PCGF5: variants seen among roughly 807,000 people sequenced by gnomAD.
The protein encoded by PCGF5 is polycomb group ring finger 5.
A neutral mutation model predicts 44.3 loss-of-function variants in PCGF5; 9 were observed. The ratio of observed to expected loss-of-function variants is 0.20; its 90% CI spans 0.12 to 0.35. The LOEUF (loss-of-function observed/expected upper bound fraction) is 0.35, where lower values mean the gene tolerates loss of function less well. Among genes scored for constraint, PCGF5 ranks in the 10% least tolerant of loss-of-function variants. The pLI, the probability that PCGF5 is intolerant of heterozygous loss-of-function variation, is 1.00. For synonymous variants in PCGF5, 95 were observed against 102.5 expected, an observed-to-expected ratio of 0.93 and a Z score of 0.44; for missense variants, 146 against 305.3, an observed-to-expected ratio of 0.48 and a Z score of 3.89.
At chr10:91,255,403 G>A (rs1845723053) in intron 6 of PCGF5, among the ~76,000 whole-genome samples, 1 of 152,062 alleles carries the variant, frequency 6.6e-6, no homozygotes, top group South Asian at 2.1e-4. Context: ...GGAAGGACCT[G>A]AGAAGGCCCT....
At chr10:91,178,074 A>G (rs1442532049) in intron 1 of PCGF5, among the ~76,000 whole-genome samples, 3 of 152,208 alleles carry the variant, frequency 2.0e-5, no homozygotes, top group African/African-American at 7.2e-5. Context: ...AAGTATTTTA[A>G]TAACGATTGG....
chr10:91,192,747 TA>T (rs1229793079), intron 1 of PCGF5, among the ~76,000 whole-genome samples: 1 of 152,110 alleles, frequency 6.6e-6, no homozygotes, highest in Non-Finnish European at 1.5e-5. Flanking sequence ...GGAAAAATTT[TA>T]AAATAGAGCA....
chr10:91,252,507 C>G (rs1476693923), intron 6 of PCGF5, among the ~76,000 whole-genome samples: 1 of 152,094 alleles, frequency 6.6e-6, no homozygotes, highest in East Asian at 1.9e-4. Flanking sequence ...ACTCAAGGAA[C>G]TTGGTTAGGT....
intron 3 of PCGF5, among the ~76,000 whole-genome samples, chr10:91,245,620 A>C (rs1010597154): frequency 5.9e-5 from 9 of 152,120 alleles, no homozygotes; most frequent in African/African-American, 2.2e-4. Flanking sequence ...TAGGGAATGC[A>C]ATCTCACAGC....
chr10:91,172,070 A>G (rs974530072), intron 1 of PCGF5, among the ~76,000 whole-genome samples: 19 of 152,206 alleles, frequency 1.2e-4, no homozygotes, highest in Non-Finnish European at 2.4e-4. Context: ...TTTGCCCAGG[A>G]TTACAGACGT....
chr10:91,232,449 C>G (rs1273863374), intron 2 of PCGF5, among the ~76,000 whole-genome samples: 1 of 152,010 alleles, frequency 6.6e-6, no homozygotes, highest in Non-Finnish European at 1.5e-5. Flanking sequence ...CAAAAGAAAG[C>G]AAATAAATAG....
intron 9 of PCGF5, among the ~76,000 whole-genome samples, chr10:91,275,836 G>A (rs10160027): frequency 0.13 from 19,856 of 152,008 alleles, 2,437 homozygotes; most frequent in African/African-American, 0.32. Context: ...TAGCAGTTCC[G>A]CTTTTAGGAA....
At chr10:91,177,929 C>G (rs1324685344) in intron 1 of PCGF5, among the ~76,000 whole-genome samples, 1 of 152,192 alleles carries the variant, frequency 6.6e-6, no homozygotes, top group Non-Finnish European at 1.5e-5. Context: ...CCTGCACCCA[C>G]TGTCCAACAA....
chr10:91,210,670 G>A (rs928736454), intron 1 of PCGF5, among the ~76,000 whole-genome samples: 1 of 152,194 alleles, frequency 6.6e-6, no homozygotes, highest in African/African-American at 2.4e-5. Context: ...CTGTTTCAGT[G>A]CCTCTAGTGC....
rs563318929 is a variant in PCGF5, at chr10:91,235,733, G to A, written c.113-4751G>A. Reference sequence around the variant, plus strand: ...TAGTGAATAAGTCTCACGAGATCTGGTGGTTTTAAAAAGAGGAGTTCCCTT... The same window carrying A: ...TAGTGAATAAGTCTCACGAGATCTGATGGTTTTAAAAAGAGGAGTTCCCTT... On this transcript the variant is annotated intron_variant, in intron 2 of 9. Coordinates refer to ENST00000336126, the MANE Select transcript of PCGF5 (RefSeq NM_032373.5). 1.1e-3 allele frequency among the ~76,000 whole-genome samples: 171 copies of A among 152,246 alleles called. 3 individuals carry two copies. Among genetic ancestry groups the A allele is most frequent in the East Asian group, 1.9e-4 (1 of 5,182 alleles).
chr10:91,216,834 C>T (rs1844550300), upstream of PCGF5, among the ~76,000 whole-genome samples: 1 of 152,096 alleles, frequency 6.6e-6, no homozygotes, highest in Non-Finnish European at 1.5e-5. Context: ...TTTAGGCAAA[C>T]ATAGATTTAG....
chr10:91,192,794 G>C (rs962089773), intron 1 of PCGF5, among the ~76,000 whole-genome samples: 2 of 152,166 alleles, frequency 1.3e-5, no homozygotes, highest in Non-Finnish European at 2.9e-5. Context: ...AGGAAGAAGG[G>C]AGCTGGGTTG....
chr10:91,183,286 G>GTA (rs141408031), intron 1 of PCGF5, among the ~76,000 whole-genome samples: 2,944 of 152,076 alleles, frequency 0.019, 79 homozygotes, highest in East Asian at 0.085. Flanking sequence ...CCTGTGTTGG[G>GTA]TATATATATA....
chr10:91,237,044 A>G (rs1845184177), intron 2 of PCGF5, among the ~76,000 whole-genome samples: 1 of 152,220 alleles, frequency 6.6e-6, no homozygotes, highest in Non-Finnish European at 1.5e-5. Context: ...GGTTAACAAA[A>G]TGGATTCAAA....
At chr10:91,254,448 ATATT>A (rs1236713706) in intron 6 of PCGF5, among the ~76,000 whole-genome samples, 1 of 151,846 alleles carries the variant, frequency 6.6e-6, no homozygotes, top group Admixed American at 6.6e-5. Context: ...TGTAGTACTT[ATATT>A]TATCTGTCAA....
intron 9 of PCGF5, 36 bp downstream of exon 9, chr10:91,271,733 T>C: frequency 6.4e-7 from 1 of 1,556,744 alleles, no homozygotes; most frequent in Non-Finnish European, 8.9e-7. Context: ...ATGACCATCA[T>C]GACACCATGG....
intron 1 of PCGF5, among the ~76,000 whole-genome samples, chr10:91,179,925 A>G (rs1050564565): frequency 6.6e-6 from 1 of 152,218 alleles, no homozygotes; most frequent in African/African-American, 2.4e-5. Context: ...GAATCGCCAT[A>G]CTGTTTTCCA....
intron 2 of PCGF5, among the ~76,000 whole-genome samples, chr10:91,225,003 T>A (rs1005324912): frequency 9.9e-5 from 15 of 152,070 alleles, no homozygotes; most frequent in African/African-American, 3.4e-4. Context: ...GCAAAAACTG[T>A]CAACTCTGGA....
chr10:91,165,750 GA>G (rs1304418909), intron 1 of PCGF5, among the ~76,000 whole-genome samples: 2 of 152,170 alleles, frequency 1.3e-5, no homozygotes, highest in Non-Finnish European at 2.9e-5. Context: ...GGATTCTAAA[GA>G]ATTACAGCTA....
Sources: gnomAD v4.1 joint callset for allele counts (sites outside exome capture counted in the v4.1 genomes callset) on GRCh38, gnomAD v4.1.1 for gene constraint, MANE v1.5 for transcripts, NCBI Gene and HGNC (gene_info 2026-07-23, HGNC 2026-07-21) for gene names.